The following GPBP1 variants were observed in gnomAD, a reference collection of about 807,000 sequenced individuals.
GPBP1 encodes GC-rich promoter binding protein 1.
In GPBP1, 13 loss-of-function variants were observed where a neutral mutation model predicts 56.5. The observed-to-expected ratio is 0.23, with a 90% CI of 0.15 to 0.37. The LOEUF is 0.37. Ranked by LOEUF, GPBP1 falls within the 10% of genes least tolerant of loss-of-function variation. The pLI, the probability that GPBP1 is intolerant of heterozygous loss-of-function variation, is 1.00. For synonymous variants in GPBP1, 204 were observed against 188.9 expected, an observed-to-expected ratio of 1.08 and a Z score of -0.66; for missense variants, 477 against 572.3, an observed-to-expected ratio of 0.83 and a Z score of 1.70.
chr5:57,237,212 A>G (rs1290803865), intron 6 of GPBP1: 1 of 1,306,700 alleles, frequency 7.7e-7, no homozygotes. Flanking sequence ...GGAACAACTG[A>G]TTGCATAAGA....
rs370511136 is a variant in GPBP1, at chr5:57,214,246, C to T, written c.63+53C>T. ...CTGCTTCTCTTGCATTCATTTTTTA[C>T]ACAAATGTAATTAAGTCATGGAGGA... On this transcript the variant is annotated intron_variant, in intron 3 of 11. Coordinates refer to ENST00000506184, the MANE Select transcript of GPBP1 (RefSeq NM_022913.4). 19 of 1,377,122 alleles carry T rather than the reference C, an allele frequency of 1.4e-5. No individual in the cohort carries two copies. In the African/African-American group the frequency reaches 2.4e-4, roughly 18 times the overall value. 85.3% of individuals were successfully genotyped at this position (1,377,122 alleles called of 1,614,324 possible). A position where few individuals can be genotyped will look rare whatever the true frequency, so the allele number is the denominator to read the frequency against.
intron 3 of GPBP1, among the ~76,000 whole-genome samples, chr5:57,227,637 G>A (rs903151117): frequency 6.6e-6 from 1 of 152,218 alleles, no homozygotes; most frequent in African/African-American, 2.4e-5. Flanking sequence ...CAAACTCAGT[G>A]CAAGGGCAGC....
intron 3 of GPBP1, among the ~76,000 whole-genome samples, chr5:57,226,931 G>A (rs1240969577): frequency 6.6e-6 from 1 of 151,904 alleles, no homozygotes; most frequent in Non-Finnish European, 1.5e-5. Flanking sequence ...AGTAGAGACG[G>A]GGTTTCACCA....
At chr5:57,225,194 C>T (rs1266483154) in intron 3 of GPBP1, among the ~76,000 whole-genome samples, 1 of 152,106 alleles carries the variant, frequency 6.6e-6, no homozygotes. Context: ...CACGGTAGCT[C>T]ATGCCTGTAA....
At chr5:57,197,539 A>G (rs1754821153) in intron 2 of GPBP1, among the ~76,000 whole-genome samples, 1 of 151,886 alleles carries the variant, frequency 6.6e-6, no homozygotes, top group East Asian at 1.9e-4. Context: ...TTGTATTTTT[A>G]GTAGAGATGG....
At chr5:57,251,201 A>G in intron 10 of GPBP1, 60 bp downstream of exon 10, 2 of 1,399,790 alleles carry the variant, frequency 1.4e-6, no homozygotes, top group Non-Finnish European at 1.9e-6. Context: ...TCAATATTAT[A>G]GAGTTTTTAC....
Position 57,264,050 on chromosome 5 carries a change from T to C in GPBP1, c.*1298T>C, listed in dbSNP as rs1209663849. 1.3e-5 allele frequency: 2 copies of C among 152,134 alleles called. No homozygotes were observed. The highest frequency in any genetic ancestry group is 2.9e-5 in the Non-Finnish European group (2 of 67,994). The allele number at this position is 152,134 out of a possible 1,614,324, so 9.4% of individuals were successfully genotyped here. On this transcript the variant is annotated 3_prime_UTR_variant, in exon 12 of 12. Transcript: ENST00000506184. ...AGTGTTTTCTCAGATGGCTGCAGTG[T>C]TTTTGCTATTTCTGCATAAATACCC...
In GPBP1 at chr5:57,230,844, A is replaced by G. The variant is rs1210108762; in HGVS notation, c.64-2A>G. On this transcript the variant is annotated splice_acceptor_variant, in intron 3 of 11. Transcript: ENST00000506184. LOFTEE classifies it high-confidence loss of function. ...TACCTGTATTTTTATAATTTGTTTCAGTCGTCATTGAATTTTGAGAAGCAT... is the reference window on the plus strand; with the variant it reads ...TACCTGTATTTTTATAATTTGTTTCGGTCGTCATTGAATTTTGAGAAGCAT... 2 of 1,601,116 alleles carry G rather than the reference A, an allele frequency of 1.2e-6. No homozygotes were observed. Among genetic ancestry groups the G allele is most frequent in the Non-Finnish European group, 1.7e-6 (2 of 1,174,346 alleles).
At chr5:57,200,008 C>G (rs1754929243) in intron 2 of GPBP1, among the ~76,000 whole-genome samples, 1 of 143,124 alleles carries the variant, frequency 7.0e-6, no homozygotes, top group African/African-American at 2.6e-5. Context: ...GCGCCTGGCC[C>G]TTACTTGAAA....
At chr5:57,206,731 G>A (rs1249935819) in intron 2 of GPBP1, among the ~76,000 whole-genome samples, 3 of 152,170 alleles carry the variant, frequency 2.0e-5, no homozygotes, top group Non-Finnish European at 2.9e-5. Flanking sequence ...TAGTTGTCCA[G>A]TCTGTTTTTT....
At chr5:57,257,761 A>G (rs531873168) in intron 10 of GPBP1, among the ~76,000 whole-genome samples, 237 of 152,300 alleles carry the variant, frequency 1.6e-3, no homozygotes, top group Middle Eastern at 3.4e-3. Context: ...GGCCCTAGTC[A>G]GAAAGATTTA....
At chr5:57,256,573 CATGAAG>C (rs1213591199) in intron 10 of GPBP1, among the ~76,000 whole-genome samples, 2 of 151,666 alleles carry the variant, frequency 1.3e-5, no homozygotes, top group Admixed American at 1.3e-4. Context: ...CTAGTGTGGA[CATGAAG>C]ATGAAGGGGG....
chr5:57,188,163 G>T (rs528400994), intron 2 of GPBP1, among the ~76,000 whole-genome samples: 1 of 151,538 alleles, frequency 6.6e-6, no homozygotes, highest in South Asian at 2.1e-4. Context: ...AGAATCGCTT[G>T]ATCTCAGGAA....
rs567155216 is a variant in GPBP1 at position 57,264,417 on chromosome 5, T to C, written c.*1665T>C. ...ATTTGCTTAATAGATTAATGAAATT[T>C]ATCAGATACAACCTGTATTTCCAAA... is the stretch of plus-strand genomic sequence containing the variant. On this transcript the variant is annotated 3_prime_UTR_variant, in exon 12 of 12. Transcript: ENST00000506184. The C allele has an allele frequency of 2.0e-5, 3 of 152,264 alleles. No homozygotes were observed. In the South Asian group the frequency reaches 6.2e-4, roughly 32 times the overall value. The allele number at this position is 152,264 out of a possible 1,614,324, so 9.4% of individuals were successfully genotyped here. A position where few individuals can be genotyped will look rare whatever the true frequency, so the allele number is the denominator to read the frequency against.
At chr5:57,209,242 T>G (rs1474163566) in intron 2 of GPBP1, among the ~76,000 whole-genome samples, 1 of 152,198 alleles carries the variant, frequency 6.6e-6, no homozygotes, top group African/African-American at 2.4e-5. Flanking sequence ...TTATGTAAGA[T>G]CATGTAATCT....
intron 10 of GPBP1, among the ~76,000 whole-genome samples, chr5:57,253,211 C>T (rs990062666): frequency 2.0e-5 from 3 of 152,028 alleles, no homozygotes; most frequent in Admixed American, 1.3e-4. Context: ...CCACATGGTT[C>T]GGCATAACTA....
At chr5:57,232,819 A>C (rs1041842679) in intron 5 of GPBP1, among the ~76,000 whole-genome samples, 5 of 152,232 alleles carry the variant, frequency 3.3e-5, no homozygotes, top group African/African-American at 4.8e-5. Context: ...AGTTAAATTT[A>C]TGTTCAAGTG....
chr5:57,207,270 C>G (rs1186775969), intron 2 of GPBP1, among the ~76,000 whole-genome samples: 6 of 152,152 alleles, frequency 3.9e-5, no homozygotes, highest in Non-Finnish European at 8.8e-5. Flanking sequence ...CCTCGCACTT[C>G]CAAAGGAAAT....
chr5:57,239,164 TTA>T (rs1160056840), intron 6 of GPBP1, among the ~76,000 whole-genome samples: 2 of 152,212 alleles, frequency 1.3e-5, no homozygotes, highest in South Asian at 4.1e-4. Context: ...GTTGTTGAAA[TTA>T]TAGTGTTTTA....
Sources: gnomAD v4.1 joint callset for allele counts (sites outside exome capture counted in the v4.1 genomes callset) on GRCh38, gnomAD v4.1.1 for gene constraint, MANE v1.5 for transcripts, NCBI Gene and HGNC (gene_info 2026-07-23, HGNC 2026-07-21) for gene names.